The following TACC2 variants were observed in gnomAD, a reference collection of about 807,000 sequenced individuals.
TACC2 encodes the protein transforming acidic coiled-coil-containing protein 2.
A neutral mutation model predicts 227.3 loss-of-function variants in TACC2; 137 were observed. That is an observed-to-expected ratio of 0.60 (90% CI 0.52 to 0.69). TACC2 has a LOEUF of 0.69. Among genes scored for constraint, TACC2 ranks in the 30% least tolerant of loss-of-function variants. The pLI is 0.00. For synonymous variants in TACC2, 1,523 were observed against 1,487.5 expected (o/e 1.02, Z -0.55); for missense variants, 3,470 against 3,694.4 (o/e 0.94, Z 1.57).
chr10:122,106,061 C>T (rs2082761213), intron 5 of TACC2, among the ~76,000 whole-genome samples: 1 of 150,208 alleles, frequency 6.7e-6, no homozygotes, highest in Non-Finnish European at 1.5e-5. Context: ...GATTTCGGCT[C>T]ACTGCAGCCT....
intron 7 of TACC2, among the ~76,000 whole-genome samples, chr10:122,167,737 A>G (rs1025248022): frequency 6.6e-6 from 1 of 151,964 alleles, no homozygotes; most frequent in Non-Finnish European, 1.5e-5. Flanking sequence ...ATCTGCAAAG[A>G]CTCTTGAGAA....
rs1036892878 is a variant in TACC2, at chr10:122,238,159, C to T, written c.8348+122C>T. On this transcript the variant is annotated intron_variant, in intron 18 of 22. Coordinates refer to ENST00000369005, the MANE Select transcript of TACC2 (RefSeq NM_206862.4). ...TGTGGAAGTTCTCTCTTCTTTATTA[C>T]ACACAGTTCATATTTTTCTAAAAGT... is the stretch of plus-strand genomic sequence containing the variant. 8.8e-6 allele frequency: 6 copies of T among 683,896 alleles called. No homozygotes were observed. The African/African-American group carries it at 1.1e-4, about 12-fold the overall frequency. 42.4% of individuals were successfully genotyped at this position (683,896 alleles called of 1,614,324 possible).
chr10:121,990,631 G>A (rs1378804424), intron 1 of TACC2, among the ~76,000 whole-genome samples: 1 of 152,068 alleles, frequency 6.6e-6, no homozygotes, highest in Non-Finnish European at 1.5e-5. Flanking sequence ...TTCTACTCTA[G>A]TCTAATGCCC....
At chr10:122,058,881 G>GC (rs1334072836) in intron 3 of TACC2, among the ~76,000 whole-genome samples, 16 of 136,706 alleles carry the variant, frequency 1.2e-4, no homozygotes, top group Non-Finnish European at 2.3e-4. Context: ...ACTGAGCCCA[G>GC]CCCCCTCTGT....
chr10:122,022,066 T>C (rs1290033616), intron 2 of TACC2, 52 bp downstream of exon 2: 1 of 1,592,608 alleles, frequency 6.3e-7, no homozygotes, highest in Non-Finnish European at 8.6e-7. Flanking sequence ...TTGGCAGACC[T>C]TGACTAGGTT....
At chr10:122,113,736 C>T (rs2084087502) in intron 5 of TACC2, among the ~76,000 whole-genome samples, 1 of 152,280 alleles carries the variant, frequency 6.6e-6, no homozygotes, top group South Asian at 2.1e-4. Context: ...GCTGGATTTC[C>T]TCCGAGTTTG....
intron 2 of TACC2, among the ~76,000 whole-genome samples, chr10:122,036,095 C>T (rs1451534224): frequency 6.6e-6 from 1 of 152,142 alleles, no homozygotes; most frequent in African/African-American, 2.4e-5. Context: ...AGCGTAATGC[C>T]CTCAAGGTTC....
chr10:122,211,036 C>T lies in TACC2; in HGVS notation c.6611C>T (p.Pro2204Leu), dbSNP rs779121471. The change falls in exon 9 of 23, where the codon CCT (proline) becomes CTT (leucine). Residue 2204 changes from proline to leucine, a missense_variant. Transcript: ENST00000369005. The part of the protein sequence containing the change: ...EPAVGPKAAC[P>L]LDSESAEGVV... ...GCTGTGGGGCCCAAAGCTGCCTGCC[C>T]TCTGGACTCAGAGAGTGCAGAAGGG... 6 of 1,612,430 alleles carry T rather than the reference C, an allele frequency of 3.7e-6. No individual in the cohort carries two copies. In the South Asian group the frequency reaches 5.5e-5, roughly 15 times the overall value.
intron 6 of TACC2, among the ~76,000 whole-genome samples, chr10:122,142,639 G>A (rs1206733238): frequency 6.6e-6 from 1 of 152,238 alleles, no homozygotes; most frequent in Non-Finnish European, 1.5e-5. Flanking sequence ...GCAGAGGGAA[G>A]CAGTGATCCC....
chr10:122,248,549 T>G, intron 19 of TACC2, 94 bp from the exon 20 acceptor site: 10 of 1,463,768 alleles, frequency 6.8e-6, no homozygotes, highest in Non-Finnish European at 8.5e-6. Context: ...CCCCCACTGG[T>G]GAGGCTGAGT....
chr10:122,027,752 T>C lies in TACC2; in HGVS notation c.33+5738T>C, dbSNP rs182625301. ...CTCTACACAATACTTTCTGGGATTT[T>C]TTTTTTTTTTTGACAGAGTCTCACT... On this transcript the variant is annotated intron_variant, in intron 2 of 22. Coordinates refer to ENST00000369005, the MANE Select transcript of TACC2 (RefSeq NM_206862.4). 1.1e-3 allele frequency among the ~76,000 whole-genome samples: 173 copies of C among 151,988 alleles called. 5 individuals carry two copies. In the East Asian group the frequency reaches 0.031, roughly 27 times the overall value.
intron 11 of TACC2, among the ~76,000 whole-genome samples, chr10:122,223,660 G>A (rs1319323442): frequency 6.6e-6 from 1 of 152,186 alleles, no homozygotes; most frequent in Non-Finnish European, 1.5e-5. Flanking sequence ...CCAGGAAATA[G>A]CTCATTTTAA....
At chr10:122,146,746 A>G (rs2091427278) in intron 7 of TACC2, among the ~76,000 whole-genome samples, 1 of 152,186 alleles carries the variant, frequency 6.6e-6, no homozygotes, top group African/African-American at 2.4e-5. Flanking sequence ...TAAGCAACAG[A>G]AAATGAACTA....
At chr10:122,250,378 C>T (rs557252296) in intron 22 of TACC2, among the ~76,000 whole-genome samples, 273 of 152,332 alleles carry the variant, frequency 1.8e-3, no homozygotes, top group African/African-American at 5.6e-3. Context: ...GGTTCCCCTG[C>T]GTAGTCATCC....
chr10:122,215,461 T>C lies in TACC2; in HGVS notation c.7344+10T>C. On this transcript the variant is annotated intron_variant, in intron 10 of 22. Transcript: ENST00000369005. Reference sequence around the variant, plus strand: ...TGATCCACCTTCCCAGGTACAGTGTTCCTTTGATCTTGATGGTTTTATGCC... The same window carrying C: ...TGATCCACCTTCCCAGGTACAGTGTCCCTTTGATCTTGATGGTTTTATGCC... 1 of 1,613,100 alleles carries C rather than the reference T, an allele frequency of 6.2e-7. No homozygotes were observed. The highest frequency in any genetic ancestry group is 8.5e-7 in the Non-Finnish European group (1 of 1,179,122).
At chr10:122,185,987 G>A (rs7091755) in intron 7 of TACC2, among the ~76,000 whole-genome samples, 8,412 of 152,204 alleles carry the variant, frequency 0.055, 665 homozygotes, top group African/African-American at 0.18. Context: ...CCGGAGTGCA[G>A]TGGTGTGATC....
At chr10:122,129,956 A>G (rs1365503625) in intron 5 of TACC2, among the ~76,000 whole-genome samples, 2 of 152,170 alleles carry the variant, frequency 1.3e-5, no homozygotes, top group Non-Finnish European at 2.9e-5. Context: ...GTCAATGCCA[A>G]AGGCACTTTA....
At chr10:122,164,561 A>G (rs999775752) in intron 7 of TACC2, among the ~76,000 whole-genome samples, 7 of 152,210 alleles carry the variant, frequency 4.6e-5, no homozygotes, top group Non-Finnish European at 8.8e-5. Context: ...GCAGTGCTTG[A>G]CTGTGCATCG....
intron 1 of TACC2, among the ~76,000 whole-genome samples, chr10:121,993,715 G>A (rs1252523917): frequency 6.6e-6 from 1 of 151,988 alleles, no homozygotes; most frequent in East Asian, 1.9e-4. Flanking sequence ...AACCTCAACC[G>A]CCCTGGCTCA....
Sources: gnomAD v4.1 joint callset for allele counts (sites outside exome capture counted in the v4.1 genomes callset) on GRCh38, gnomAD v4.1.1 for gene constraint, MANE v1.5 for transcripts, NCBI Gene and HGNC (gene_info 2026-07-23, HGNC 2026-07-21) for gene names.